The following CDK5RAP2 variants were observed in gnomAD, a reference collection of about 807,000 sequenced individuals.
The protein encoded by CDK5RAP2 is CDK5 regulatory subunit associated protein 2, also known as CDK5 regulatory subunit-associated protein 2.
A neutral mutation model predicts 232.9 loss-of-function variants in CDK5RAP2; 147 were observed. The ratio of observed to expected loss-of-function variants is 0.63; its 90% CI spans 0.55 to 0.72. The LOEUF (loss-of-function observed/expected upper bound fraction) is 0.72. Among genes scored for constraint, CDK5RAP2 ranks in the 30% least tolerant of loss-of-function variants. The pLI is 0.00. For missense variants in CDK5RAP2, 2,195 were observed against 2,231.5 expected (o/e 0.98, Z 0.33); for synonymous variants, 833 against 833.7 (o/e 1.00, Z 0.01).
chr9:120,508,973 G>T (rs1251395571), intron 12 of CDK5RAP2, among the ~76,000 whole-genome samples: 3 of 152,174 alleles, frequency 2.0e-5, no homozygotes, highest in African/African-American at 7.2e-5. Context: ...TAAAATGAGA[G>T]GGTGACATAA....
chr9:120,534,612 T>A (rs1027521431), intron 7 of CDK5RAP2, among the ~76,000 whole-genome samples: 3 of 152,166 alleles, frequency 2.0e-5, no homozygotes, highest in African/African-American at 7.2e-5. Flanking sequence ...GGCATAAAGA[T>A]CCAATAGAAC....
chr9:120,553,772 A>AT, intron 3 of CDK5RAP2, among the ~76,000 whole-genome samples: 1 of 151,982 alleles, frequency 6.6e-6, no homozygotes, highest in Middle Eastern at 3.4e-3. Flanking sequence ...TTATTTTTTT[A>AT]TTTTTTAAAG....
intron 12 of CDK5RAP2, among the ~76,000 whole-genome samples, chr9:120,499,203 T>G (rs1253465749): frequency 6.6e-6 from 1 of 152,216 alleles, no homozygotes; most frequent in Non-Finnish European, 1.5e-5. Flanking sequence ...ACTGATAAAG[T>G]AGTATGTCTG....
In CDK5RAP2 at chr9:120,572,055, CATGAG is replaced by C; in HGVS notation, c.60-19_60-15del. 1.3e-6 allele frequency: 2 copies of C among 1,598,866 alleles called. No homozygotes were observed. The highest frequency in any genetic ancestry group is 1.7e-6 in the Non-Finnish European group (2 of 1,166,130). Reference sequence around the variant, plus strand: ...GGAACAAGGCCACTAGGAGAGAACACATGAGATAAGAGATGAGCTAATGTTTGAAC... The same window carrying C: ...GGAACAAGGCCACTAGGAGAGAACACATAAGAGATGAGCTAATGTTTGAAC... On this transcript the variant is annotated splice_polypyrimidine_tract_variant and intron_variant, in intron 1 of 37. Coordinates refer to ENST00000349780, the MANE Select transcript of CDK5RAP2 (RefSeq NM_018249.6).
chr9:120,472,890 T>C (rs1014664247), intron 15 of CDK5RAP2, among the ~76,000 whole-genome samples: 7 of 152,258 alleles, frequency 4.6e-5, no homozygotes, highest in East Asian at 3.8e-4. Context: ...ATGTAGCTAA[T>C]GTACCAAGGA....
intron 29 of CDK5RAP2, among the ~76,000 whole-genome samples, chr9:120,411,130 C>A (rs2033819898): frequency 6.6e-6 from 1 of 152,184 alleles, no homozygotes; most frequent in African/African-American, 2.4e-5. Flanking sequence ...TTACACCGTT[C>A]AACTGTCACA....
At chr9:120,504,976 A>G (rs1013013787) in intron 12 of CDK5RAP2, among the ~76,000 whole-genome samples, 1 of 152,180 alleles carries the variant, frequency 6.6e-6, no homozygotes, top group African/African-American at 2.4e-5. Context: ...ATTTTCTTCT[A>G]TAAACTCTAT....
At chr9:120,496,750 C>CCGGCCCGGCCAG in intron 12 of CDK5RAP2, among the ~76,000 whole-genome samples, 1 of 131,682 alleles carries the variant, frequency 7.6e-6, no homozygotes, top group Non-Finnish European at 1.6e-5. Context: ...GGGTCAGCCC[C>CCGGCCCGGCCAG]CCGCCCGGCC....
intron 11 of CDK5RAP2, among the ~76,000 whole-genome samples, chr9:120,521,440 T>C (rs558422098): frequency 6.6e-6 from 1 of 152,098 alleles, no homozygotes; most frequent in African/African-American, 2.4e-5. Context: ...GGTAACTGAA[T>C]CATGGGGGCA....
At chr9:120,398,569 TTTTGA>T (rs1161003679) in intron 35 of CDK5RAP2, among the ~76,000 whole-genome samples, 2 of 152,222 alleles carry the variant, frequency 1.3e-5, no homozygotes, top group Non-Finnish European at 2.9e-5. Flanking sequence ...TGTTTTCTCA[TTTTGA>T]TTTTTTATAA....
intron 16 of CDK5RAP2, 39 bp from the exon 17 acceptor site, chr9:120,470,259 G>T (rs2037621309): frequency 4.0e-6 from 4 of 993,206 alleles, no homozygotes; most frequent in Non-Finnish European, 6.1e-6. Flanking sequence ...GGAGGGGGAG[G>T]AGAAAAAGAA....
At chr9:120,470,001 G>A (rs1042020147) in intron 17 of CDK5RAP2, 110 bp downstream of exon 17, 1 of 661,622 alleles carries the variant, frequency 1.5e-6, no homozygotes, top group Non-Finnish European at 2.8e-6. Flanking sequence ...GAGGGGACAG[G>A]AAGGAAGGAG....
At chr9:120,456,204 T>C (rs1364881241) in intron 20 of CDK5RAP2, among the ~76,000 whole-genome samples, 1 of 152,106 alleles carries the variant, frequency 6.6e-6, no homozygotes, top group Non-Finnish European at 1.5e-5. Context: ...AGAAAGAAAA[T>C]GCAGGTCTGG....
At chr9:120,441,437 C>G (rs538312144) in intron 23 of CDK5RAP2, among the ~76,000 whole-genome samples, 2 of 152,274 alleles carry the variant, frequency 1.3e-5, no homozygotes, top group East Asian at 3.9e-4. Flanking sequence ...AAAAAAAAGG[C>G]TAGCACAGTG....
At chr9:120,436,938 AT>A (rs1358192460) in intron 25 of CDK5RAP2, among the ~76,000 whole-genome samples, 1 of 152,190 alleles carries the variant, frequency 6.6e-6, no homozygotes, top group Non-Finnish European at 1.5e-5. Context: ...ACAAAAAAAA[AT>A]AAATAAATAA....
intron 4 of CDK5RAP2, among the ~76,000 whole-genome samples, chr9:120,549,230 A>G (rs1043989700): frequency 6.6e-6 from 1 of 152,172 alleles, no homozygotes; most frequent in Non-Finnish European, 1.5e-5. Flanking sequence ...ACATGCTTGC[A>G]CTTATGTAAA....
intron 5 of CDK5RAP2, among the ~76,000 whole-genome samples, chr9:120,540,420 T>C (rs2041582498): frequency 6.6e-6 from 1 of 152,232 alleles, no homozygotes; most frequent in Admixed American, 6.5e-5. Flanking sequence ...CTCTCATATG[T>C]ACAAGCCATG....
rs763286312 is a variant in CDK5RAP2, at chr9:120,400,807, G to T, written c.5386C>A (p.Arg1796=). 6.2e-7 allele frequency: 1 copy of T among 1,614,048 alleles called. No individual in the cohort carries two copies. Among genetic ancestry groups the T allele is most frequent in the Non-Finnish European group, 8.5e-7 (1 of 1,180,030 alleles). The change falls in exon 35 of 38, where the codon CGG becomes AGG. Residue 1796 remains arginine (R), a synonymous_variant. Transcript: ENST00000349780. ...GAGACTCTCCAGAGAAGCTTCAGCCGCCTGTAGGCCTCTTCCAGGGTCAGC... is the reference window on the plus strand; with the variant it reads ...GAGACTCTCCAGAGAAGCTTCAGCCTCCTGTAGGCCTCTTCCAGGGTCAGC... The part of the protein sequence containing the change: ...AKLTLEEAYR[R]LKLLWRVSLP...
In CDK5RAP2 at chr9:120,477,309, G is replaced by A. The variant is rs372549061; in HGVS notation, c.1727+41C>T. On this transcript the variant is annotated intron_variant, in intron 15 of 37. Coordinates refer to ENST00000349780, the MANE Select transcript of CDK5RAP2 (RefSeq NM_018249.6). The stretch of plus-strand genomic sequence containing the variant: ...CGTGTATGCGCGTGCATGTGTGTGT[G>A]TTCGCATTCACATGTGTGATGTCCA... 2.9e-6 allele frequency: 4 copies of A among 1,390,444 alleles called. No individual in the cohort carries two copies. The East Asian group carries it at 6.8e-5, about 24-fold the overall frequency. The allele number at this position is 1,390,444 out of a possible 1,614,324, so 86.1% of individuals were successfully genotyped here.
Sources: gnomAD v4.1 joint callset for allele counts (sites outside exome capture counted in the v4.1 genomes callset) on GRCh38, gnomAD v4.1.1 for gene constraint, MANE v1.5 for transcripts, NCBI Gene and HGNC (gene_info 2026-07-23, HGNC 2026-07-21) for gene names.